Variants in EIF4EBP1 observed in about 807,000 individuals in gnomAD.
EIF4EBP1 encodes eukaryotic translation initiation factor 4E binding protein 1, also known as eukaryotic translation initiation factor 4E-binding protein 1.
EIF4EBP1 carries 5 observed loss-of-function variants against 9.2 expected under a neutral mutation model. The observed-to-expected ratio is 0.54, with a 90% CI of 0.28 to 1.14. The LOEUF (loss-of-function observed/expected upper bound fraction) is 1.14. Ranked by LOEUF, EIF4EBP1 falls within the 50% of genes most tolerant of loss-of-function variation. EIF4EBP1 has a pLI of 0.09. For missense variants in EIF4EBP1, 139 were observed against 169.6 expected (o/e 0.82, Z 1.00); for synonymous variants, 62 against 67.0 (o/e 0.93, Z 0.36).
At chr8:38,046,283 G>A (rs890885365) in intron 1 of EIF4EBP1, among the ~76,000 whole-genome samples, 8 of 152,028 alleles carry the variant, frequency 5.3e-5, no homozygotes, top group African/African-American at 1.9e-4. Flanking sequence ...CCCCCCCATT[G>A]CTTTATATAT....
chr8:38,040,812 G>T (rs924649472), intron 1 of EIF4EBP1, among the ~76,000 whole-genome samples: 1 of 152,134 alleles, frequency 6.6e-6, no homozygotes, highest in African/African-American at 2.4e-5. Context: ...GTATTCTGTC[G>T]GTCAAAGCAA....
At chr8:38,052,884 T>C (rs1279133078) in intron 1 of EIF4EBP1, among the ~76,000 whole-genome samples, 2 of 152,214 alleles carry the variant, frequency 1.3e-5, no homozygotes, top group Non-Finnish European at 2.9e-5. Flanking sequence ...TGCTGTTTAC[T>C]CCTCACAGAC....
intron 1 of EIF4EBP1, among the ~76,000 whole-genome samples, chr8:38,052,865 T>C (rs1231265790): frequency 6.6e-6 from 1 of 152,168 alleles, no homozygotes; most frequent in African/African-American, 2.4e-5. Flanking sequence ...CGGCTGACTT[T>C]CTGCATGCTG....
chr8:38,059,660 GT>G (rs1220154144), intron 2 of EIF4EBP1, among the ~76,000 whole-genome samples: 1 of 151,594 alleles, frequency 6.6e-6, no homozygotes, highest in Non-Finnish European at 1.5e-5. Context: ...GGAGGCTTAG[GT>G]AGGAGAATCG....
chr8:38,039,234 C>A (rs535977859), intron 1 of EIF4EBP1, among the ~76,000 whole-genome samples: 93 of 151,472 alleles, frequency 6.1e-4, no homozygotes, highest in Non-Finnish European at 1.2e-3. Context: ...AATTCTTCTT[C>A]CAGTGTGGCC....
At chr8:38,054,375 C>A (rs1809566193) in intron 1 of EIF4EBP1, among the ~76,000 whole-genome samples, 1 of 152,136 alleles carries the variant, frequency 6.6e-6, no homozygotes, top group African/African-American at 2.4e-5. Flanking sequence ...TGCTAGAACC[C>A]AGGAGGCAGA....
intron 1 of EIF4EBP1, among the ~76,000 whole-genome samples, chr8:38,037,445 A>T (rs991798504): frequency 2.0e-5 from 3 of 152,032 alleles, no homozygotes; most frequent in Non-Finnish European, 4.4e-5. Flanking sequence ...CCTCCTGAGT[A>T]GCTGGGATTA....
intron 2 of EIF4EBP1, among the ~76,000 whole-genome samples, chr8:38,058,408 A>C (rs938177119): frequency 6.6e-6 from 1 of 152,138 alleles, no homozygotes; most frequent in African/African-American, 2.4e-5. Context: ...CTCCTGTGGT[A>C]ACCCATTAAT....
chr8:38,057,365 C>A, intron 2 of EIF4EBP1, 105 bp downstream of exon 2: 1 of 1,342,712 alleles, frequency 7.4e-7, no homozygotes, highest in Non-Finnish European at 1.0e-6. Flanking sequence ...ACAACAGGGA[C>A]TCTGCCCTAC....
At chr8:38,038,130 G>A (rs1166075314) in intron 1 of EIF4EBP1, among the ~76,000 whole-genome samples, 1 of 152,110 alleles carries the variant, frequency 6.6e-6, no homozygotes, top group East Asian at 1.9e-4. Context: ...CCCCGATTAT[G>A]ATGGTGTGAC....
chr8:38,058,921 A>G (rs1287437459), intron 2 of EIF4EBP1, among the ~76,000 whole-genome samples: 1 of 151,984 alleles, frequency 6.6e-6, no homozygotes, highest in African/African-American at 2.4e-5. Context: ...CCATCTCTAC[A>G]TAAAATTTTA....
chr8:38,035,009 A>G (rs1809279730), intron 1 of EIF4EBP1, among the ~76,000 whole-genome samples: 1 of 152,192 alleles, frequency 6.6e-6, no homozygotes, highest in Non-Finnish European at 1.5e-5. Flanking sequence ...AATCCCAGCT[A>G]TTAGGAAGGC....
At position 38,030,572 on chromosome 8, in the gene EIF4EBP1, C is replaced by G. The variant is rs146327581; in HGVS notation, c.-2C>G. The G allele has an allele frequency of 6.6e-7, 1 of 1,514,592 alleles. No homozygotes were observed. The highest frequency in any genetic ancestry group is 1.4e-5 in the African/African-American group (1 of 69,702). 93.8% of individuals were successfully genotyped at this position (1,514,592 alleles called of 1,614,324 possible). ...GTTCGCGGGTGCAGCGCACAGGAGACCATGTCCGGGGGCAGCAGCTGCAGC... is the reference window on the plus strand; with the variant it reads ...GTTCGCGGGTGCAGCGCACAGGAGAGCATGTCCGGGGGCAGCAGCTGCAGC... On this transcript the variant is annotated 5_prime_UTR_variant, in exon 1 of 3. Transcript: ENST00000338825.
chr8:38,035,849 A>G (rs1809294027), intron 1 of EIF4EBP1, among the ~76,000 whole-genome samples: 1 of 151,048 alleles, frequency 6.6e-6, no homozygotes, highest in Non-Finnish European at 1.5e-5. Flanking sequence ...AGCTGGGTTT[A>G]CAGGCGCGCT....
chr8:38,049,745 G>T (rs931629334), intron 1 of EIF4EBP1, among the ~76,000 whole-genome samples: 3 of 151,940 alleles, frequency 2.0e-5, no homozygotes, highest in Non-Finnish European at 4.4e-5. Context: ...GCCTCCCAAA[G>T]TGCTGGGATT....
rs998499037 is a variant in EIF4EBP1, at chr8:38,035,808, C to T, written c.145+5090C>T. 2.9e-4 allele frequency among the ~76,000 whole-genome samples: 44 copies of T among 151,960 alleles called. 2 individuals carry two copies. The highest frequency in any genetic ancestry group is 2.2e-3 in the Admixed American group (33 of 15,218). ...CACTGCAACCTCCACCTCCTGGGTT[C>T]AAGCAATTCTCCTGCCTCAGCCTCC... is the stretch of plus-strand genomic sequence containing the variant. On this transcript the variant is annotated intron_variant, in intron 1 of 2. Transcript: ENST00000338825.
rs1242254795 is a variant in EIF4EBP1 at position 38,057,008 on chromosome 8, G to A, written c.146-73G>A. On this transcript the variant is annotated intron_variant, in intron 1 of 2. Transcript: ENST00000338825. ...AATCTGCTGCCTCTACTGCAGCCAC[G>A]CCTTTAAAAAGTGGAAAAACCGGCA... is the stretch of plus-strand genomic sequence containing the variant. 1.2e-5 allele frequency: 18 copies of A among 1,515,950 alleles called. No homozygotes were observed. In the Admixed American group the frequency reaches 1.3e-4, roughly 11 times the overall value. 93.9% of individuals were successfully genotyped at this position (1,515,950 alleles called of 1,614,324 possible). A position where few individuals can be genotyped will look rare whatever the true frequency, so the allele number is the denominator to read the frequency against.
chr8:38,060,117 A>C lies in EIF4EBP1; in HGVS notation c.*182A>C. ...CCCTCCTCTTCGTGAACACCAGCAG[A>C]TACCTCCTTGTGCCTCCACTGATGC... On this transcript the variant is annotated 3_prime_UTR_variant, in exon 3 of 3. Transcript: ENST00000338825. 1 of 447,844 alleles carries C rather than the reference A, an allele frequency of 2.2e-6. No individual in the cohort carries two copies. Among genetic ancestry groups the C allele is most frequent in the Non-Finnish European group, 3.9e-6 (1 of 253,982 alleles). The allele number at this position is 447,844 out of a possible 1,614,324, so 27.7% of individuals were successfully genotyped here. A position where few individuals can be genotyped will look rare whatever the true frequency, so the allele number is the denominator to read the frequency against.
At chr8:38,051,277 G>A (rs1229568047) in intron 1 of EIF4EBP1, among the ~76,000 whole-genome samples, 1 of 152,154 alleles carries the variant, frequency 6.6e-6, no homozygotes, top group South Asian at 2.1e-4. Context: ...TCCTCCCCAT[G>A]AGATCGTTGA....
Sources: allele counts gnomAD v4.1 joint callset (sites outside exome capture counted in the v4.1 genomes callset), GRCh38; gene constraint gnomAD v4.1.1; transcripts MANE v1.5; gene names NCBI Gene and HGNC (gene_info 2026-07-23, HGNC 2026-07-21).